OTUD7B: variants seen among roughly 807,000 people sequenced by gnomAD.
OTUD7B encodes OTU domain-containing protein 7B.
OTUD7B carries 34 observed loss-of-function variants against 82.2 expected under a neutral mutation model. That is an observed-to-expected ratio of 0.41 (90% CI 0.31 to 0.55). The LOEUF (loss-of-function observed/expected upper bound fraction) is 0.55. OTUD7B is among the 20% of genes least tolerant of loss of function. The pLI is 0.20. For synonymous variants in OTUD7B, 398 were observed against 402.7 expected, an observed-to-expected ratio of 0.99 and a Z score of 0.14; for missense variants, 944 against 1,062.1, an observed-to-expected ratio of 0.89 and a Z score of 1.55.
At chr1:150,038,930 A>G in the OTUD7B span, among the ~76,000 whole-genome samples, 3,391 of 152,236 alleles carry the variant, frequency 0.022, 99 homozygotes, top group African/African-American at 0.074. Context: ...TTAGTGTCCA[A>G]ATAAATAACT....
At chr1:150,056,832 A>C in the OTUD7B span, among the ~76,000 whole-genome samples, 4 of 152,230 alleles carry the variant, frequency 2.6e-5, no homozygotes, top group African/African-American at 4.8e-5. Flanking sequence ...CAAGGAATGA[A>C]GAAAATAATC....
chr1:149,957,253 C>G (rs1467028857), intron 7 of OTUD7B, among the ~76,000 whole-genome samples: 2 of 151,702 alleles, frequency 1.3e-5, no homozygotes, highest in African/African-American at 4.9e-5. Flanking sequence ...TTCCTTCTAA[C>G]AGTCAGGACC....
intron 1 of OTUD7B, among the ~76,000 whole-genome samples, chr1:149,999,417 A>G (rs782245956): frequency 3.1e-4 from 47 of 152,300 alleles, no homozygotes; most frequent in Non-Finnish European, 5.9e-4. Flanking sequence ...GGGACCAAGT[A>G]TTGTTCATGT....
the OTUD7B span, among the ~76,000 whole-genome samples, chr1:150,039,075 C>A: frequency 1.3e-5 from 2 of 151,940 alleles, no homozygotes; most frequent in African/African-American, 4.8e-5. Context: ...TTTAGCTTTC[C>A]TTTGCCATTA....
upstream of OTUD7B, among the ~76,000 whole-genome samples, chr1:150,014,084 G>A (rs782368187): frequency 0.21 from 6,171 of 29,434 alleles, 288 homozygotes; most frequent in African/African-American, 0.26. Context: ...GTGTGTGTGT[G>A]TATATATATA....
intron 1 of OTUD7B, among the ~76,000 whole-genome samples, chr1:149,982,841 CTTTTTTTT>C (rs34122678): frequency 4.8e-5 from 4 of 84,176 alleles, no homozygotes; most frequent in East Asian, 4.1e-4. Flanking sequence ...TCCTCTCTTA[CTTTTTTTT>C]TTTTTTTTTT....
At chr1:150,054,172 G>A in the OTUD7B span, 20 of 384,608 alleles carry the variant, frequency 5.2e-5, no homozygotes, top group Non-Finnish European at 6.8e-5. Context: ...ACGGTGGTAC[G>A]CAGGTGGTTA....
At position 149,938,468 on chromosome 1, in the gene OTUD7B, A is replaced by G. The variant is rs1162794402; in HGVS notation, c.*5389T>C. On this transcript the variant is annotated 3_prime_UTR_variant, in exon 12 of 12. Coordinates refer to ENST00000581312, the MANE Select transcript of OTUD7B (RefSeq NM_020205.4). The stretch of plus-strand genomic sequence containing the variant: ...AGAGCAAGACTCCATCGCAAAAAAA[A>G]AAAAAAAAAAAAAGACATAGGAAGA... 2 of 480 alleles carry G rather than the reference A, an allele frequency of 4.2e-3. No individual in the cohort carries two copies. The highest frequency in any genetic ancestry group is 0.029 in the African/African-American group (2 of 68). The allele number at this position is 480 out of a possible 1,614,324, so 0.0% of individuals were successfully genotyped here. A position where few individuals can be genotyped will look rare whatever the true frequency, so the allele number is the denominator to read the frequency against.
the OTUD7B span, among the ~76,000 whole-genome samples, chr1:150,022,396 C>A: frequency 0.43 from 2,581 of 6,072 alleles, 1,278 homozygotes; most frequent in Middle Eastern, 0.83. Context: ...AAACTCTCTA[C>A]AAAAAAAAAA....
Position 149,977,410 on chromosome 1 carries a change from C to T in OTUD7B, c.85+16G>A, listed in dbSNP as rs782613668. The T allele has an allele frequency of 3.8e-6, 6 of 1,569,646 alleles. No homozygotes were observed. In the Admixed American group the frequency reaches 5.0e-5, roughly 13 times the overall value. ...TTTTACTTTCTCTTTTCTCATTCTC[C>T]CCTACAACTCCTCACCTTCTAGGAG... On this transcript the variant is annotated intron_variant, in intron 2 of 11. Transcript: ENST00000581312.
the OTUD7B span, among the ~76,000 whole-genome samples, chr1:150,019,910 G>A: frequency 5.3e-5 from 8 of 151,884 alleles, no homozygotes; most frequent in African/African-American, 1.9e-4. Context: ...GCTGAAGCGG[G>A]AAGATCACTT....
rs1286150881 is a variant in OTUD7B at position 150,010,486 on chromosome 1, G to C, written c.-105C>G. 1 of 152,564 alleles carries C rather than the reference G, an allele frequency of 6.6e-6. No homozygotes were observed. The highest frequency in any genetic ancestry group is 2.4e-5 in the African/African-American group (1 of 41,448). The allele number at this position is 152,564 out of a possible 1,614,324, so 9.5% of individuals were successfully genotyped here. On this transcript the variant is annotated 5_prime_UTR_variant, in exon 1 of 12. Transcript: ENST00000581312. ...CGGGGCAAGGCCCTAGGCCGGGGCG[G>C]AGCGCGGGGCCCGGCCGCCTCTCTT... is the stretch of plus-strand genomic sequence containing the variant.
At chr1:150,051,443 T>C in the OTUD7B span, among the ~76,000 whole-genome samples, 2 of 152,070 alleles carry the variant, frequency 1.3e-5, no homozygotes, top group African/African-American at 4.8e-5. Context: ...CATGTAAAAC[T>C]CTGTACTTTA....
chr1:149,978,351 AC>A (rs782234731), intron 1 of OTUD7B, among the ~76,000 whole-genome samples: 3 of 152,158 alleles, frequency 2.0e-5, no homozygotes, highest in African/African-American at 4.8e-5. Context: ...TACTAAAAAT[AC>A]AAAAATTAGC....
chr1:150,060,062 G>A, the OTUD7B span, among the ~76,000 whole-genome samples: 1 of 152,170 alleles, frequency 6.6e-6, no homozygotes, highest in Non-Finnish European at 1.5e-5. Flanking sequence ...AGGGCCATAT[G>A]TTCCTATTTA....
At position 149,944,623 on chromosome 1, in the gene OTUD7B, C is replaced by A. The variant is rs1553771530; in HGVS notation, c.1766G>T (p.Ser589Ile). ...GCTCAGGCTCTGCATCACCTCCTGGCTATACTTGCTCCCTCCGTTACCAAC... is the reference window on the plus strand; with the variant it reads ...GCTCAGGCTCTGCATCACCTCCTGGATATACTTGCTCCCTCCGTTACCAAC... ...ESVGNGGSKY[S>I]QEVMQSLSIL... The change falls in exon 12 of 12, where the codon AGC (serine) becomes ATC (isoleucine). Residue 589 changes from serine to isoleucine, a missense_variant. Around this residue, in one of 3 missense-constraint regions of OTUD7B, gnomAD observed 412 missense variants for 418.7 expected, o/e 0.98. Transcript: ENST00000581312. 6.2e-7 allele frequency: 1 copy of A among 1,614,098 alleles called. No homozygotes were observed. The highest frequency in any genetic ancestry group is 2.2e-5 in the East Asian group (1 of 44,876).
intron 1 of OTUD7B, among the ~76,000 whole-genome samples, chr1:149,988,950 A>G (rs1317697306): frequency 6.6e-6 from 1 of 152,240 alleles, no homozygotes; most frequent in East Asian, 1.9e-4. Context: ...TCTAGAATCA[A>G]TTCTCAAACA....
At chr1:150,059,281 C>T in the OTUD7B span, among the ~76,000 whole-genome samples, 1 of 92,628 alleles carries the variant, frequency 1.1e-5, no homozygotes, top group Non-Finnish European at 2.0e-5. Context: ...TCTTGAACTC[C>T]TGACCTCGTG....
chr1:150,025,854 A>G, the OTUD7B span, among the ~76,000 whole-genome samples: 1 of 152,188 alleles, frequency 6.6e-6, no homozygotes, highest in Non-Finnish European at 1.5e-5. Context: ...GAATTACACA[A>G]CTGAAAAAAG....
Sources: allele counts gnomAD v4.1 joint callset (sites outside exome capture counted in the v4.1 genomes callset), GRCh38; gene constraint gnomAD v4.1.1; regional missense constraint gnomAD v4.1.1; transcripts MANE v1.5; gene names NCBI Gene and HGNC (gene_info 2026-07-23, HGNC 2026-07-21).